The following CSMD1 variants were observed in gnomAD, a reference collection of about 807,000 sequenced individuals.
CSMD1 encodes the protein CUB and Sushi multiple domains 1.
In CSMD1, 213 loss-of-function variants were observed where a neutral mutation model predicts 417.5. The observed-to-expected ratio is 0.51, with a 90% CI of 0.46 to 0.57. CSMD1 has a LOEUF of 0.57. Ranked by LOEUF, CSMD1 falls within the 20% of genes least tolerant of loss-of-function variation. The pLI, the probability that CSMD1 is intolerant of heterozygous loss-of-function variation, is 0.00. For synonymous variants in CSMD1, 2,862 were observed against 1,736.8 expected (o/e 1.65, Z -16.11); for missense variants, 6,923 against 4,529.7 (o/e 1.53, Z -15.17).
chr8:2,947,928 CTT>C (rs34597121), intron 68 of CSMD1, among the ~76,000 whole-genome samples: 9 of 141,660 alleles, frequency 6.4e-5, no homozygotes, highest in Non-Finnish European at 4.6e-5. Flanking sequence ...ATTAATTATC[CTT>C]TTTTTTTTTT....
At chr8:3,721,308 G>T (rs1475798940) in intron 6 of CSMD1, among the ~76,000 whole-genome samples, 1 of 152,152 alleles carries the variant, frequency 6.6e-6, no homozygotes, top group African/African-American at 2.4e-5. Context: ...ACATATTCGG[G>T]TGTGTAAGTG....
At position 3,967,130 on chromosome 8, in the gene CSMD1, G is replaced by T. The variant is rs76563571; in HGVS notation, c.818+30773C>A. ...TTTCATAGAGAAACGGACTAATTTT[G>T]TCTATTTGCATCTTTCTGCTACTTA... On this transcript the variant is annotated intron_variant, in intron 5 of 69. Transcript: ENST00000635120. Among the ~76,000 whole-genome samples the T allele has an allele frequency of 7.0e-3, 1,055 of 151,622 alleles. 14 individuals carry two copies. Among genetic ancestry groups the T allele is most frequent in the African/African-American group, 0.024 (984 of 41,498 alleles).
intron 1 of CSMD1, among the ~76,000 whole-genome samples, chr8:4,783,312 C>T (rs1797247052): frequency 6.6e-6 from 1 of 152,140 alleles, no homozygotes; most frequent in Admixed American, 6.6e-5. Context: ...AACTGTCCTC[C>T]AGCCAGAGTG....
chr8:3,040,320 T>C (rs73505061), intron 50 of CSMD1, among the ~76,000 whole-genome samples: 1,847 of 150,638 alleles, frequency 0.012, 34 homozygotes, highest in African/African-American at 0.042. Context: ...CTTTAGTTTC[T>C]CAAATGGATT....
intron 7 of CSMD1, among the ~76,000 whole-genome samples, chr8:3,682,861 C>T (rs973237643): frequency 2.6e-5 from 4 of 152,062 alleles, no homozygotes; most frequent in African/African-American, 9.7e-5. Context: ...ACTATGTAGC[C>T]ATAAAAAATG....
chr8:4,238,731 C>G (rs1363382045), intron 3 of CSMD1, among the ~76,000 whole-genome samples: 4 of 152,182 alleles, frequency 2.6e-5, no homozygotes, highest in South Asian at 2.1e-4. Flanking sequence ...TTATCCTTCT[C>G]TTGCTTCCAA....
At chr8:3,318,677 A>G (rs566475444) in intron 23 of CSMD1, among the ~76,000 whole-genome samples, 14 of 152,278 alleles carry the variant, frequency 9.2e-5, no homozygotes, top group African/African-American at 3.4e-4. Flanking sequence ...CAGGTGCATG[A>G]CGAGAGTAAG....
chr8:4,464,976 A>C (rs757803763), intron 2 of CSMD1, among the ~76,000 whole-genome samples: 3 of 152,148 alleles, frequency 2.0e-5, no homozygotes, highest in Non-Finnish European at 4.4e-5. Context: ...ATGCCACCAG[A>C]ATGACTTCTT....
intron 48 of CSMD1, among the ~76,000 whole-genome samples, chr8:3,088,676 A>G (rs1367527358): frequency 6.6e-6 from 1 of 151,926 alleles, no homozygotes; most frequent in African/African-American, 2.4e-5. Context: ...ATCCACTACC[A>G]TAAGAATCTC....
intron 1 of CSMD1, among the ~76,000 whole-genome samples, chr8:4,726,059 G>C (rs1585004327): frequency 6.6e-6 from 1 of 152,288 alleles, no homozygotes; most frequent in East Asian, 1.9e-4. Flanking sequence ...ATCGTGGACA[G>C]TTCAAGCCAC....
At chr8:4,563,825 T>C (rs1798460595) in intron 2 of CSMD1, among the ~76,000 whole-genome samples, 1 of 152,200 alleles carries the variant, frequency 6.6e-6, no homozygotes, top group Admixed American at 6.5e-5. Context: ...TCAATGTTCC[T>C]AAGTATAAGA....
chr8:3,844,691 A>T (rs75273837), intron 5 of CSMD1, among the ~76,000 whole-genome samples: 1 of 152,104 alleles, frequency 6.6e-6, no homozygotes, highest in African/African-American at 2.4e-5. Context: ...CGGGAACTGC[A>T]GCCTCACTAG....
At chr8:3,503,100 C>G (rs1008520122) in intron 10 of CSMD1, among the ~76,000 whole-genome samples, 1 of 152,164 alleles carries the variant, frequency 6.6e-6, no homozygotes, top group Admixed American at 6.5e-5. Context: ...GCTTTTATAT[C>G]TGTATGCAAC....
rs1797366721 is a variant in CSMD1 at position 4,031,908 on chromosome 8, T to C, written c.607A>G (p.Arg203Gly). Residue 203 changes from arginine to glycine, a missense_variant, in exon 4 of 70, where the codon AGA (arginine) becomes GGA (glycine). Transcript: ENST00000635120. ...CAGCCCCCTTGTAGCACTGTACCTC[T>C]GCAAAAGGGAGCTGGGAAGTCCCAC... ...ASWDFPAPFC[R>G]AEGACGGTLR... 6 of 1,612,674 alleles carry C rather than the reference T, an allele frequency of 3.7e-6. No homozygotes were observed. The highest frequency in any genetic ancestry group is 3.3e-5 in the Admixed American group (2 of 59,950).
At chr8:4,261,613 T>C (rs1200186077) in intron 3 of CSMD1, among the ~76,000 whole-genome samples, 1 of 152,134 alleles carries the variant, frequency 6.6e-6, no homozygotes, top group Non-Finnish European at 1.5e-5. Flanking sequence ...TCTTGCTATG[T>C]TGCGCAGGCT....
At chr8:4,899,684 T>C (rs750263499) in intron 1 of CSMD1, among the ~76,000 whole-genome samples, 1 of 152,204 alleles carries the variant, frequency 6.6e-6, no homozygotes, top group African/African-American at 2.4e-5. Flanking sequence ...ACAACTCTCA[T>C]TAAAATGTGT....
chr8:4,740,474 G>C (rs1242564845), intron 1 of CSMD1, among the ~76,000 whole-genome samples: 1 of 152,130 alleles, frequency 6.6e-6, no homozygotes, highest in Non-Finnish European at 1.5e-5. Flanking sequence ...GCTGGGATGT[G>C]TTTAGAGGAA....
intron 10 of CSMD1, among the ~76,000 whole-genome samples, chr8:3,504,928 A>G (rs1796760216): frequency 6.6e-6 from 1 of 152,188 alleles, no homozygotes; most frequent in Non-Finnish European, 1.5e-5. Flanking sequence ...TGAAATGGGC[A>G]GAGATAGAAA....
chr8:4,589,190 T>C (rs1297151580), intron 2 of CSMD1, among the ~76,000 whole-genome samples: 3 of 152,168 alleles, frequency 2.0e-5, no homozygotes, highest in Non-Finnish European at 4.4e-5. Context: ...GGGAATTGGA[T>C]AGAGCCTTAT....
Sources: allele counts gnomAD v4.1 joint callset (sites outside exome capture counted in the v4.1 genomes callset), GRCh38; gene constraint gnomAD v4.1.1; transcripts MANE v1.5; gene names NCBI Gene and HGNC (gene_info 2026-07-23, HGNC 2026-07-21).